FOCAD: variants seen among roughly 807,000 people sequenced by gnomAD.
FOCAD encodes the protein KIAA1797.
Under a neutral mutation model 225.6 loss-of-function variants are expected in FOCAD, and 198 were observed. The observed-to-expected ratio is 0.88, with a 90% CI of 0.78 to 0.99. The LOEUF (loss-of-function observed/expected upper bound fraction) is 0.99, where lower values mean the gene tolerates loss of function less well. FOCAD is among the 50% of genes least tolerant of loss of function. The pLI is 0.00. For synonymous variants in FOCAD, 897 were observed against 755.0 expected, an observed-to-expected ratio of 1.19 and a Z score of -3.08; for missense variants, 2,713 against 2,123.6, an observed-to-expected ratio of 1.28 and a Z score of -5.46.
intron 1 of FOCAD, among the ~76,000 whole-genome samples, chr9:20,697,382 A>G (rs984786463): frequency 1.3e-5 from 2 of 152,164 alleles, no homozygotes; most frequent in Non-Finnish European, 2.9e-5. Flanking sequence ...AGGACTTCCC[A>G]TCTCACTGAG....
intron 11 of FOCAD, among the ~76,000 whole-genome samples, chr9:20,806,688 T>C (rs1411788605): frequency 1.3e-5 from 2 of 152,200 alleles, no homozygotes; most frequent in East Asian, 3.8e-4. Context: ...TCGAATTCCA[T>C]CTATTAATAA....
chr9:20,888,756 AT>A (rs1206568653), intron 21 of FOCAD, among the ~76,000 whole-genome samples: 1 of 152,094 alleles, frequency 6.6e-6, no homozygotes, highest in African/African-American at 2.4e-5. Context: ...AATGAGTCTC[AT>A]GAGATCTGAT....
At chr9:20,938,445 C>T (rs1013473218) in intron 28 of FOCAD, among the ~76,000 whole-genome samples, 1 of 152,082 alleles carries the variant, frequency 6.6e-6, no homozygotes, top group African/African-American at 2.4e-5. Flanking sequence ...ATGGATGAAG[C>T]TGGAAACCAT....
At chr9:20,700,456 G>A (rs1823851279) in intron 1 of FOCAD, among the ~76,000 whole-genome samples, 1 of 150,472 alleles carries the variant, frequency 6.6e-6, no homozygotes, top group Non-Finnish European at 1.5e-5. Context: ...TTTTACTGGT[G>A]TAGATTCTGC....
chr9:20,878,194 G>A lies in FOCAD; in HGVS notation c.2317+3387G>A, dbSNP rs146930069. Among the ~76,000 whole-genome samples the A allele has an allele frequency of 2.0e-4, 30 of 152,168 alleles. No homozygotes were observed. In the East Asian group the frequency reaches 5.6e-3, roughly 28 times the overall value. On this transcript the variant is annotated intron_variant, in intron 19 of 43. Transcript: ENST00000338382. ...TTATACAATTTGTACTTCCAGTATC[G>A]GAAAAGATGCAAAAATGAAATACAT... is the stretch of plus-strand genomic sequence containing the variant.
intron 35 of FOCAD, among the ~76,000 whole-genome samples, chr9:20,972,001 T>C (rs1324739318): frequency 6.6e-6 from 1 of 152,146 alleles, no homozygotes; most frequent in Non-Finnish European, 1.5e-5. Flanking sequence ...CTTTCATCAG[T>C]GGACATTTGG....
chr9:20,990,411 G>T, intron 42 of FOCAD, 37 bp downstream of exon 42: 1 of 1,606,286 alleles, frequency 6.2e-7, no homozygotes, highest in African/African-American at 1.3e-5. Context: ...AGGGCAGGCA[G>T]CCATTGTCTC....
intron 6 of FOCAD, among the ~76,000 whole-genome samples, chr9:20,761,505 C>G (rs988280443): frequency 1.3e-5 from 2 of 152,076 alleles, no homozygotes; most frequent in South Asian, 4.1e-4. Context: ...ATTGCAACCT[C>G]TGCCTCACGG....
At chr9:20,911,535 G>A (rs1221274407) in intron 22 of FOCAD, among the ~76,000 whole-genome samples, 1 of 152,142 alleles carries the variant, frequency 6.6e-6, no homozygotes, top group African/African-American at 2.4e-5. Context: ...ATTCATGAAA[G>A]ACGGTTTTGT....
chr9:20,874,826 T>G lies in FOCAD; in HGVS notation c.2317+19T>G, dbSNP rs752612989. On this transcript the variant is annotated intron_variant, in intron 19 of 43. Transcript: ENST00000338382. ...TTACCAGGTGACTCCTATTTGGTAG[T>G]AGAGAAGCTAGCATTTTTTAGTGGT... The G allele has an allele frequency of 7.4e-6, 12 of 1,613,120 alleles. No individual in the cohort carries two copies. In the Admixed American group the frequency reaches 1.7e-4, roughly 22 times the overall value.
intron 11 of FOCAD, among the ~76,000 whole-genome samples, chr9:20,806,387 G>A (rs927876263): frequency 6.6e-6 from 1 of 152,090 alleles, no homozygotes; most frequent in Non-Finnish European, 1.5e-5. Flanking sequence ...GCCCAAGGTT[G>A]TTATTTCTGA....
chr9:20,738,484 A>T (rs1172981458), intron 4 of FOCAD, among the ~76,000 whole-genome samples: 1 of 152,206 alleles, frequency 6.6e-6, no homozygotes, highest in East Asian at 1.9e-4. Context: ...GAGAATCTTT[A>T]TGGAGAAGGC....
At chr9:20,974,420 C>T (rs4352936) in intron 35 of FOCAD, among the ~76,000 whole-genome samples, 162 of 66,230 alleles carry the variant, frequency 2.4e-3, no homozygotes, top group Middle Eastern at 0.016. Context: ...TTCTCCTTTT[C>T]CCTGTGCTTC....
At chr9:20,659,006 C>T (rs902108356) in intron 2 of FOCAD, among the ~76,000 whole-genome samples, 1 of 152,106 alleles carries the variant, frequency 6.6e-6, no homozygotes. Flanking sequence ...ATTGCCTGAG[C>T]TCAGGAGTTC....
intron 28 of FOCAD, among the ~76,000 whole-genome samples, chr9:20,937,794 C>G (rs563325190): frequency 1.2e-4 from 18 of 152,190 alleles, no homozygotes; most frequent in African/African-American, 4.1e-4. Context: ...GAACAGGCAA[C>G]CTACAGAATG....
At chr9:20,756,172 T>C (rs1295228192) in intron 5 of FOCAD, among the ~76,000 whole-genome samples, 1 of 152,138 alleles carries the variant, frequency 6.6e-6, no homozygotes, top group East Asian at 1.9e-4. Context: ...AGTTTTGGCA[T>C]AAAAAGTTGC....
chr9:20,796,887 G>A (rs1374092310), intron 11 of FOCAD, among the ~76,000 whole-genome samples: 2 of 151,658 alleles, frequency 1.3e-5, no homozygotes, highest in Non-Finnish European at 2.9e-5. Context: ...TGAAGTCCTT[G>A]CCCATACCTA....
At chr9:20,902,421 G>C (rs1832632392) in intron 21 of FOCAD, among the ~76,000 whole-genome samples, 1 of 151,984 alleles carries the variant, frequency 6.6e-6, no homozygotes, top group African/African-American at 2.4e-5. Flanking sequence ...ATATAAAAGA[G>C]AGGAGCAAGA....
At chr9:20,742,164 A>G (rs1352722699) in intron 5 of FOCAD, among the ~76,000 whole-genome samples, 2 of 152,184 alleles carry the variant, frequency 1.3e-5, no homozygotes, top group Non-Finnish European at 1.5e-5. Context: ...GCTTCCCAAC[A>G]TTGGTGCCCA....
Sources: allele counts gnomAD v4.1 joint callset (sites outside exome capture counted in the v4.1 genomes callset), GRCh38; gene constraint gnomAD v4.1.1; transcripts MANE v1.5; gene names NCBI Gene and HGNC (gene_info 2026-07-23, HGNC 2026-07-21).